The following JARID2 variants were observed in gnomAD, a reference collection of about 807,000 sequenced individuals.
JARID2 encodes jumonji and AT-rich interaction domain containing 2, also known as protein Jumonji.
Under a neutral mutation model 125.6 loss-of-function variants are expected in JARID2, and 21 were observed. The observed-to-expected ratio is 0.17, with a 90% CI of 0.12 to 0.24. JARID2 has a LOEUF of 0.24. JARID2 is among the 10% of genes least tolerant of loss of function. The pLI is 1.00. For synonymous variants in JARID2, 736 were observed against 661.6 expected (o/e 1.11, Z -1.73); for missense variants, 1,303 against 1,639.6 (o/e 0.79, Z 3.55).
chr6:15,455,490 T>G (rs142011966), intron 4 of JARID2, among the ~76,000 whole-genome samples: 1 of 152,222 alleles, frequency 6.6e-6, no homozygotes, highest in East Asian at 1.9e-4. Flanking sequence ...AACCATAATT[T>G]GGTATCCTTT....
intron 1 of JARID2, among the ~76,000 whole-genome samples, chr6:15,373,143 T>G (rs559561341): frequency 6.6e-6 from 1 of 152,348 alleles, no homozygotes; most frequent in South Asian, 2.1e-4. Flanking sequence ...TCATCATCTA[T>G]TAATAAAAAC....
chr6:15,473,574 C>G lies in JARID2; in HGVS notation c.670+4856C>G, dbSNP rs1035127936. ...CACCTCACACCCATATACCAAGGTC[C>G]TTAAGAGGGGGGTGGTGTGATCGTT... On this transcript the variant is annotated intron_variant, in intron 5 of 17. Coordinates refer to ENST00000341776, the MANE Select transcript of JARID2 (RefSeq NM_004973.4). Among the ~76,000 whole-genome samples the G allele has an allele frequency of 2.1e-5, 3 of 141,790 alleles. 1 individual carries two copies. The highest frequency in any genetic ancestry group is 4.6e-5 in the Non-Finnish European group (3 of 65,126). 93.0% of individuals were successfully genotyped at this position (141,790 alleles called of 152,430 possible).
intron 1 of JARID2, among the ~76,000 whole-genome samples, chr6:15,306,328 C>CTTTTTTTTTTTTTTTTTTTTTTTTTTTT (rs398000594): frequency 1.0e-5 from 1 of 99,250 alleles, no homozygotes; most frequent in Non-Finnish European, 2.0e-5. Flanking sequence ...AGTCATATTT[C>CTTTTTTTTTTTTTTTTTTTTTTTTTTTT]TTTTTTTTTT....
At chr6:15,463,613 G>A (rs1768568012) in intron 4 of JARID2, among the ~76,000 whole-genome samples, 1 of 151,904 alleles carries the variant, frequency 6.6e-6, no homozygotes. Context: ...ATATTTTTTA[G>A]TAGAGATGGA....
At chr6:15,338,354 C>T (rs950729175) in intron 1 of JARID2, among the ~76,000 whole-genome samples, 1 of 152,226 alleles carries the variant, frequency 6.6e-6, no homozygotes, top group Admixed American at 6.5e-5. Flanking sequence ...CATTGACTCT[C>T]AGAATCTGGA....
chr6:15,391,678 C>G (rs1473238474), intron 2 of JARID2, among the ~76,000 whole-genome samples: 1 of 152,190 alleles, frequency 6.6e-6, no homozygotes, highest in Non-Finnish European at 1.5e-5. Flanking sequence ...TTGAATGCAT[C>G]AAAAATTTGA....
At chr6:15,514,268 A>G (rs9396590) in intron 16 of JARID2, among the ~76,000 whole-genome samples, 35,931 of 152,174 alleles carry the variant, frequency 0.24, 5,074 homozygotes, top group East Asian at 0.43. Flanking sequence ...GGCACTGCAG[A>G]TGGCTCCACA....
chr6:15,398,095 A>C (rs1180409413), intron 2 of JARID2, among the ~76,000 whole-genome samples: 1 of 152,242 alleles, frequency 6.6e-6, no homozygotes, highest in Non-Finnish European at 1.5e-5. Flanking sequence ...TTTATAATCA[A>C]ATGCAGTGAA....
rs376724376 is a variant in JARID2 at position 15,497,183 on chromosome 6, G to C, written c.1945+13G>C. Reference sequence around the variant, plus strand: ...CTCCCGCTCATAGGTAGGTCTGGGCGGGGGGTCAGGGGGTGGTGCCTGCCC... The same window carrying C: ...CTCCCGCTCATAGGTAGGTCTGGGCCGGGGGTCAGGGGGTGGTGCCTGCCC... On this transcript the variant is annotated intron_variant, in intron 7 of 17. Coordinates refer to ENST00000341776, the MANE Select transcript of JARID2 (RefSeq NM_004973.4). 8.5e-6 allele frequency: 13 copies of C among 1,523,306 alleles called. No individual in the cohort carries two copies. Among genetic ancestry groups the C allele is most frequent in the Admixed American group, 4.0e-5 (2 of 49,656 alleles). The allele number at this position is 1,523,306 out of a possible 1,614,324, so 94.4% of individuals were successfully genotyped here. A position where few individuals can be genotyped will look rare whatever the true frequency, so the allele number is the denominator to read the frequency against.
At chr6:15,405,881 C>T (rs923374508) in intron 2 of JARID2, among the ~76,000 whole-genome samples, 2 of 152,180 alleles carry the variant, frequency 1.3e-5, no homozygotes, top group Non-Finnish European at 2.9e-5. Flanking sequence ...GCTGACCTGG[C>T]CCTCCTGGAT....
chr6:15,427,569 T>C (rs1450175565), intron 3 of JARID2, among the ~76,000 whole-genome samples: 1 of 152,056 alleles, frequency 6.6e-6, no homozygotes, highest in Admixed American at 6.6e-5. Context: ...TCCTCTAAGC[T>C]CTTGCTAGGC....
At chr6:15,382,707 T>A (rs942764960) in intron 2 of JARID2, among the ~76,000 whole-genome samples, 1 of 152,186 alleles carries the variant, frequency 6.6e-6, no homozygotes, top group African/African-American at 2.4e-5. Flanking sequence ...GAAATCCAAT[T>A]TAAGTGACAG....
intron 1 of JARID2, among the ~76,000 whole-genome samples, chr6:15,333,057 G>T (rs1490908494): frequency 6.9e-6 from 1 of 145,830 alleles, no homozygotes; most frequent in Middle Eastern, 3.5e-3. Context: ...TCAGCCTCCC[G>T]AGTAGCTTGG....
chr6:15,451,364 A>T (rs1329294130), intron 3 of JARID2, among the ~76,000 whole-genome samples: 2 of 152,220 alleles, frequency 1.3e-5, no homozygotes, highest in Admixed American at 1.3e-4. Flanking sequence ...AAATAGTTGC[A>T]ATTTGACCTT....
At chr6:15,303,711 A>C (rs1325999630) in intron 1 of JARID2, among the ~76,000 whole-genome samples, 1 of 152,264 alleles carries the variant, frequency 6.6e-6, no homozygotes, top group Admixed American at 6.5e-5. Flanking sequence ...TCCCAAGGAC[A>C]AAACCCAAAC....
chr6:15,394,411 CA>C lies in JARID2; in HGVS notation c.182-15812del, dbSNP rs1765139869. On this transcript the variant is annotated intron_variant, in intron 2 of 17. Transcript: ENST00000341776. ...TCGGGAGGATCGCTTCAGGCCTGGG[CA>C]GCTTGGCGAAACACCATCTTCACAA... Among the ~76,000 whole-genome samples the C allele has an allele frequency of 2.0e-5, 3 of 152,218 alleles. No homozygotes were observed. In the South Asian group the frequency reaches 6.2e-4, roughly 32 times the overall value.
Position 15,246,437 on chromosome 6 carries a change from C to A in JARID2, c.-103C>A, listed in dbSNP as rs536661135. The A allele has an allele frequency of 5.1e-5, 48 of 940,008 alleles. No homozygotes were observed. In the South Asian group the frequency reaches 5.6e-4, roughly 11 times the overall value. 58.2% of individuals were successfully genotyped at this position (940,008 alleles called of 1,614,324 possible). Reference sequence around the variant, plus strand: ...AGTCGGATTACAAGATCAACCACCACCAACAACAATAAAAACCACCAGGAT... The same window carrying A: ...AGTCGGATTACAAGATCAACCACCAACAACAACAATAAAAACCACCAGGAT... On this transcript the variant is annotated 5_prime_UTR_variant, in exon 1 of 18. Coordinates refer to ENST00000341776, the MANE Select transcript of JARID2 (RefSeq NM_004973.4).
chr6:15,476,096 C>T (rs1463728040), intron 5 of JARID2, among the ~76,000 whole-genome samples: 2 of 152,172 alleles, frequency 1.3e-5, no homozygotes, highest in Non-Finnish European at 2.9e-5. Flanking sequence ...CTAGCAACAT[C>T]TGTATCCTCC....
chr6:15,307,368 A>G (rs1425932106), intron 1 of JARID2, among the ~76,000 whole-genome samples: 2 of 152,088 alleles, frequency 1.3e-5, no homozygotes, highest in East Asian at 1.9e-4. Flanking sequence ...GATCACAGGC[A>G]TACGGCACCA....
Sources: allele counts gnomAD v4.1 joint callset (sites outside exome capture counted in the v4.1 genomes callset), GRCh38; gene constraint gnomAD v4.1.1; transcripts MANE v1.5; gene names NCBI Gene and HGNC (gene_info 2026-07-23, HGNC 2026-07-21).